TSHZ2: variants seen among roughly 807,000 people sequenced by gnomAD.
The protein encoded by TSHZ2 is teashirt zinc finger homeobox 2, also known as teashirt homolog 2.
Under a neutral mutation model 74.4 loss-of-function variants are expected in TSHZ2, and 21 were observed. The observed-to-expected ratio is 0.28, with a 90% confidence interval of 0.20 to 0.41. The LOEUF (loss-of-function observed/expected upper bound fraction) is 0.41, where lower values mean the gene tolerates loss of function less well. Among genes scored for constraint, TSHZ2 ranks in the 10% least tolerant of loss-of-function variants. The probability of loss-of-function intolerance (pLI) is 1.00; values close to 1 mark genes in which losing one functional copy is unlikely to be tolerated. For synonymous variants in TSHZ2, 540 were observed against 515.3 expected (o/e 1.05, Z -0.65); for missense variants, 1,244 against 1,293.5 (o/e 0.96, Z 0.59).
intron 1 of TSHZ2, among the ~76,000 whole-genome samples, chr20:53,140,178 CATAA>C (rs986055364): frequency 4.6e-5 from 7 of 151,908 alleles, no homozygotes; most frequent in African/African-American, 1.7e-4. Flanking sequence ...ATAATATGTA[CATAA>C]ATAAATATGC....
At chr20:53,120,239 C>A (rs769598714) in intron 1 of TSHZ2, among the ~76,000 whole-genome samples, 7 of 152,124 alleles carry the variant, frequency 4.6e-5, no homozygotes, top group Non-Finnish European at 8.8e-5. Context: ...GTTTGAAGTG[C>A]GTCTCTTTTC....
chr20:53,234,986 A>G (rs778985785), intron 1 of TSHZ2, among the ~76,000 whole-genome samples: 16 of 151,974 alleles, frequency 1.1e-4, no homozygotes, highest in Non-Finnish European at 2.1e-4. Flanking sequence ...TTCATGGAGG[A>G]GTCAAGGTGG....
chr20:53,177,465 G>A (rs1988370731), intron 1 of TSHZ2, among the ~76,000 whole-genome samples: 1 of 152,130 alleles, frequency 6.6e-6, no homozygotes, highest in African/African-American at 2.4e-5. Flanking sequence ...TTTCCAAGGA[G>A]CCTTCACTGG....
At chr20:53,150,036 C>T (rs1987638161) in intron 1 of TSHZ2, among the ~76,000 whole-genome samples, 1 of 152,202 alleles carries the variant, frequency 6.6e-6, no homozygotes, top group African/African-American at 2.4e-5. Flanking sequence ...TTTCATAGTT[C>T]TGCCTATGTG....
intron 2 of TSHZ2, among the ~76,000 whole-genome samples, chr20:53,335,283 G>A (rs1306525730): frequency 1.3e-5 from 2 of 152,176 alleles, no homozygotes; most frequent in African/African-American, 4.8e-5. Flanking sequence ...TGAGATTTGA[G>A]ATCCACCACT....
chr20:53,190,920 A>AT (rs35788534), intron 1 of TSHZ2, among the ~76,000 whole-genome samples: 173 of 152,062 alleles, frequency 1.1e-3, no homozygotes, highest in African/African-American at 3.7e-3. Context: ...CCCAGGGTAC[A>AT]TTTTTTTTGT....
At chr20:53,437,264 G>A (rs6022466) in intron 2 of TSHZ2, among the ~76,000 whole-genome samples, 2 of 152,154 alleles carry the variant, frequency 1.3e-5, no homozygotes, top group South Asian at 4.1e-4. Context: ...CTTGAGGTCA[G>A]GAGTTCAAGA....
At chr20:53,062,294 T>C (rs1281859138) in intron 1 of TSHZ2, among the ~76,000 whole-genome samples, 1 of 152,200 alleles carries the variant, frequency 6.6e-6, no homozygotes, top group Non-Finnish European at 1.5e-5. Context: ...AAGTGCAGTA[T>C]AAATATAAGA....
rs180930447 is a variant in TSHZ2, at chr20:53,018,519, A to G, written c.40+45186A>G. Among the ~76,000 whole-genome samples, 144 of 152,288 alleles carry G rather than the reference A, an allele frequency of 9.5e-4. 1 individual carries two copies. Among genetic ancestry groups the G allele is most frequent in the Non-Finnish European group, 1.4e-3 (97 of 68,016 alleles). ...GGACAGCAGATAACAAGAAACATGA[A>G]TCTGACTCCAGTGAACTGGAAGCAT... On this transcript the variant is annotated intron_variant, in intron 1 of 2. Coordinates refer to ENST00000371497, the MANE Select transcript of TSHZ2 (RefSeq NM_173485.6).
At chr20:52,994,182 AG>A (rs773139627) in intron 1 of TSHZ2, among the ~76,000 whole-genome samples, 1 of 152,222 alleles carries the variant, frequency 6.6e-6, no homozygotes, top group Non-Finnish European at 1.5e-5. Context: ...AGGGCTTATC[AG>A]GATAAACAAG....
intron 2 of TSHZ2, among the ~76,000 whole-genome samples, chr20:53,388,487 G>A (rs1982130293): frequency 6.6e-6 from 1 of 152,202 alleles, no homozygotes; most frequent in African/African-American, 2.4e-5. Context: ...CTGAAGGTGG[G>A]TGAAACCCAC....
intron 1 of TSHZ2, among the ~76,000 whole-genome samples, chr20:53,135,589 TTTTTA>T (rs1031797589): frequency 1.2e-4 from 19 of 152,182 alleles, no homozygotes; most frequent in Non-Finnish European, 1.9e-4. Flanking sequence ...TGTTTGTTTA[TTTTTA>T]TTTTATTTTA....
chr20:53,010,487 C>T (rs1982811131), intron 1 of TSHZ2, among the ~76,000 whole-genome samples: 2 of 152,096 alleles, frequency 1.3e-5, no homozygotes, highest in Admixed American at 1.3e-4. Context: ...CAGCTGGATG[C>T]AAGATCCTCT....
intron 2 of TSHZ2, among the ~76,000 whole-genome samples, chr20:53,384,674 G>A (rs774967508): frequency 5.9e-5 from 9 of 152,166 alleles, no homozygotes; most frequent in Non-Finnish European, 8.8e-5. Context: ...ACTTGAAGTT[G>A]TAAGTAAAAA....
At chr20:53,345,350 C>CTT (rs927655645) in intron 2 of TSHZ2, among the ~76,000 whole-genome samples, 27 of 151,986 alleles carry the variant, frequency 1.8e-4, no homozygotes, top group Admixed American at 6.5e-5. Context: ...GGAAATAGCT[C>CTT]TTGGTGGTTG....
intron 2 of TSHZ2, among the ~76,000 whole-genome samples, chr20:53,290,286 T>A (rs1223157323): frequency 6.6e-6 from 1 of 151,952 alleles, no homozygotes; most frequent in East Asian, 1.9e-4. Flanking sequence ...CAATTTGTGA[T>A]CACAACTTCA....
At chr20:53,271,409 A>G (rs1990835811) in intron 2 of TSHZ2, among the ~76,000 whole-genome samples, 1 of 152,260 alleles carries the variant, frequency 6.6e-6, no homozygotes, top group Non-Finnish European at 1.5e-5. Context: ...TGTATCAGGC[A>G]TGTAGAAGTC....
chr20:53,010,337 A>C (rs963315592), intron 1 of TSHZ2, among the ~76,000 whole-genome samples: 3 of 152,224 alleles, frequency 2.0e-5, no homozygotes, highest in African/African-American at 7.2e-5. Context: ...TTGGATCATC[A>C]AAATCCTATC....
intron 2 of TSHZ2, among the ~76,000 whole-genome samples, chr20:53,289,947 C>T (rs545608907): frequency 2.0e-5 from 3 of 152,258 alleles, no homozygotes; most frequent in African/African-American, 7.2e-5. Context: ...TCAATGATAA[C>T]TTTCATTTCT....
Sources: allele counts gnomAD v4.1 joint callset (sites outside exome capture counted in the v4.1 genomes callset), GRCh38; gene constraint gnomAD v4.1.1; transcripts MANE v1.5; gene names NCBI Gene and HGNC (gene_info 2026-07-23, HGNC 2026-07-21).